PRKG1: variants seen among roughly 807,000 people sequenced by gnomAD.
PRKG1 encodes cGMP-dependent protein kinase 1.
In PRKG1, 35 loss-of-function variants were observed where a neutral mutation model predicts 88.1. The ratio of observed to expected loss-of-function variants is 0.40; its 90% CI spans 0.30 to 0.53. The LOEUF (loss-of-function observed/expected upper bound fraction) is 0.53. PRKG1 is among the 20% of genes least tolerant of loss of function. The probability of loss-of-function intolerance (pLI) is 0.59; values close to 1 mark genes in which losing one functional copy is unlikely to be tolerated. For synonymous variants in PRKG1, 303 were observed against 292.5 expected (o/e 1.04, Z -0.37); for missense variants, 540 against 839.8 (o/e 0.64, Z 4.41).
chr10:51,093,537 T>G (rs1302304709), intron 1 of PRKG1, among the ~76,000 whole-genome samples: 1 of 151,922 alleles, frequency 6.6e-6, no homozygotes, highest in Non-Finnish European at 1.5e-5. Context: ...AATGCTTTGT[T>G]TTATGGTATA....
chr10:52,242,130 A>G (rs1589727750), intron 9 of PRKG1: 1 of 152,234 alleles, frequency 6.6e-6, no homozygotes, highest in African/African-American at 2.4e-5. Context: ...TTGCTGCAGC[A>G]GTGAAAGCAG....
At chr10:52,015,028 T>C (rs940931716) in intron 5 of PRKG1, among the ~76,000 whole-genome samples, 1 of 152,218 alleles carries the variant, frequency 6.6e-6, no homozygotes, top group African/African-American at 2.4e-5. Flanking sequence ...TGCAAGCTGT[T>C]AGTAAATCTA....
chr10:51,151,714 C>T (rs1904696), intron 1 of PRKG1, among the ~76,000 whole-genome samples: 71,469 of 151,578 alleles, frequency 0.47, 16,847 homozygotes, highest in African/African-American at 0.51. Flanking sequence ...GGCAGCATAA[C>T]GTTCCACTCT....
intron 1 of PRKG1, among the ~76,000 whole-genome samples, chr10:51,138,804 T>C (rs957505060): frequency 2.1e-5 from 3 of 143,882 alleles, no homozygotes; most frequent in Non-Finnish European, 1.5e-5. Flanking sequence ...TGCCTCAGCC[T>C]CCCGAGTAGC....
At position 51,089,212 on chromosome 10, in the gene PRKG1, A is replaced by G. The variant is rs560637228; in HGVS notation, c.311+14311A>G. 9.2e-5 allele frequency among the ~76,000 whole-genome samples: 14 copies of G among 152,338 alleles called. No individual in the cohort carries two copies. The South Asian group carries it at 2.9e-3, about 32-fold the overall frequency. On this transcript the variant is annotated intron_variant, in intron 1 of 17. Transcript: ENST00000373980. ...CCAACTCTAATAAATGTGTAATCCC[A>G]AACTCTGCAACATAAAATCTCATAA...
At chr10:51,591,122 A>G (rs542545007) in intron 3 of PRKG1, among the ~76,000 whole-genome samples, 1 of 150,716 alleles carries the variant, frequency 6.6e-6, no homozygotes, top group South Asian at 2.1e-4. Context: ...AAGAATAAGT[A>G]AGAGTCAGTA....
Position 51,183,624 on chromosome 10 carries a change from G to A in PRKG1, c.478+30294G>A, listed in dbSNP as rs571341243. ...ACTTACCCAAGATCAAGGTTATGAA[G>A]CTTCAACATATCAAGATAAACCAGG... On this transcript the variant is annotated intron_variant, in intron 2 of 17. Transcript: ENST00000373980. 4.7e-3 allele frequency among the ~76,000 whole-genome samples: 711 copies of A among 152,220 alleles called. 9 individuals are homozygous for A. The highest frequency in any genetic ancestry group is 0.031 in the Middle Eastern group (9 of 294).
chr10:51,025,789 C>T (rs1342969671), intron 1 of PRKG1, among the ~76,000 whole-genome samples: 1 of 152,134 alleles, frequency 6.6e-6, no homozygotes, highest in Non-Finnish European at 1.5e-5. Context: ...TTATTTGATT[C>T]TCATAAATTA....
intron 3 of PRKG1, among the ~76,000 whole-genome samples, chr10:51,611,930 A>G (rs145726262): frequency 2.7e-4 from 41 of 152,198 alleles, no homozygotes; most frequent in Non-Finnish European, 5.6e-4. Flanking sequence ...TGGCTTTGTC[A>G]AAGATCAGTT....
chr10:51,408,583 C>A (rs1437009840), intron 2 of PRKG1, among the ~76,000 whole-genome samples: 1 of 152,168 alleles, frequency 6.6e-6, no homozygotes, highest in Non-Finnish European at 1.5e-5. Context: ...AGGTGGCTGG[C>A]TGATCACCCC....
chr10:51,397,984 G>T (rs1376776571), intron 2 of PRKG1, among the ~76,000 whole-genome samples: 1 of 152,188 alleles, frequency 6.6e-6, no homozygotes, highest in African/African-American at 2.4e-5. Flanking sequence ...CAACCTAAAT[G>T]ATAGCCCTTG....
intron 3 of PRKG1, among the ~76,000 whole-genome samples, chr10:51,781,515 A>G (rs930147143): frequency 2.6e-5 from 4 of 152,198 alleles, no homozygotes; most frequent in African/African-American, 9.7e-5. Context: ...GAAGCAGACA[A>G]GCATTGCAAA....
rs4935317 is a variant in PRKG1 at position 52,200,936 on chromosome 10, A to G, written c.1076+38973A>G. On this transcript the variant is annotated intron_variant, in intron 9 of 17. Coordinates refer to ENST00000373980, the MANE Select transcript of PRKG1 (RefSeq NM_006258.4). ...ACTTGTTAATTTGTTTAAATTCCTT[A>G]TAGATTCTAGATATTAGCTCTTTGT... is the stretch of plus-strand genomic sequence containing the variant. Among the ~76,000 whole-genome samples the G allele has an allele frequency of 0.03, 4,510 of 152,160 alleles. 378 individuals are homozygous for G. In the East Asian group the frequency reaches 0.34, roughly 11 times the overall value.
chr10:52,248,560 A>T (rs1841084597), intron 9 of PRKG1, among the ~76,000 whole-genome samples: 1 of 152,162 alleles, frequency 6.6e-6, no homozygotes. Context: ...TAGCAAAGTA[A>T]TTAGCAAAGA....
At chr10:51,337,015 A>G (rs75265132) in intron 2 of PRKG1, among the ~76,000 whole-genome samples, 1 of 152,212 alleles carries the variant, frequency 6.6e-6, no homozygotes, top group African/African-American at 2.4e-5. Context: ...AAACCATATT[A>G]TAAGGCTACA....
chr10:51,903,976 A>G (rs72801406), intron 4 of PRKG1, among the ~76,000 whole-genome samples: 10,018 of 152,170 alleles, frequency 0.066, 550 homozygotes, highest in Non-Finnish European at 0.091. Context: ...TTATCTATAA[A>G]ACCCTTAGCT....
At chr10:51,413,358 TTTTG>T (rs140559829) in intron 2 of PRKG1, among the ~76,000 whole-genome samples, 40,749 of 151,376 alleles carry the variant, frequency 0.27, 6,103 homozygotes, top group Non-Finnish European at 0.35. Flanking sequence ...TTTTTTTGTT[TTTTG>T]TTTGTTTGTT....
At chr10:52,013,151 G>A (rs1844939958) in intron 5 of PRKG1, among the ~76,000 whole-genome samples, 2 of 151,746 alleles carry the variant, frequency 1.3e-5, no homozygotes, top group Admixed American at 1.3e-4. Flanking sequence ...GGGTGCGGTG[G>A]CTCACGCCTG....
intron 3 of PRKG1, among the ~76,000 whole-genome samples, chr10:51,692,850 A>G (rs1435696160): frequency 6.6e-6 from 1 of 152,232 alleles, no homozygotes; most frequent in African/African-American, 2.4e-5. Context: ...TACATACTCA[A>G]TCATATAAAA....
Sources: gnomAD v4.1 joint callset for allele counts (sites outside exome capture counted in the v4.1 genomes callset) on GRCh38, gnomAD v4.1.1 for gene constraint, MANE v1.5 for transcripts, NCBI Gene and HGNC (gene_info 2026-07-23, HGNC 2026-07-21) for gene names.